The following EFCAB11 variants were observed in gnomAD, a reference collection of about 807,000 sequenced individuals.
EFCAB11 encodes the protein EF-hand calcium-binding domain-containing protein 11.
A neutral mutation model predicts 23.0 loss-of-function variants in EFCAB11; 14 were observed. That is an observed-to-expected ratio of 0.61 (90% CI 0.40 to 0.95). The LOEUF (loss-of-function observed/expected upper bound fraction) is 0.95, where lower values mean the gene tolerates loss of function less well. EFCAB11 is among the 40% of genes least tolerant of loss of function. The probability of loss-of-function intolerance (pLI) is 0.00; values close to 1 mark genes in which losing one functional copy is unlikely to be tolerated. For missense variants in EFCAB11, 198 were observed against 195.8 expected, an observed-to-expected ratio of 1.01 and a Z score of -0.07; for synonymous variants, 65 against 66.6, an observed-to-expected ratio of 0.98 and a Z score of 0.11.
intron 5 of EFCAB11, among the ~76,000 whole-genome samples, chr14:89,884,403 C>T (rs1888690192): frequency 4.0e-5 from 6 of 151,818 alleles, no homozygotes; most frequent in Admixed American, 3.9e-4. Context: ...TTATTTATCC[C>T]CTAAAAACAT....
chr14:89,934,963 A>G (rs1451309252), intron 3 of EFCAB11, among the ~76,000 whole-genome samples: 2 of 152,182 alleles, frequency 1.3e-5, no homozygotes, highest in African/African-American at 4.8e-5. Context: ...TGCTTCCCCA[A>G]GCCAAGAGGC....
At chr14:89,798,271 G>C (rs1039355210) in intron 5 of EFCAB11, among the ~76,000 whole-genome samples, 1 of 152,238 alleles carries the variant, frequency 6.6e-6, no homozygotes, top group African/African-American at 2.4e-5. Flanking sequence ...TTTTGAAGTA[G>C]AGAAAAATCC....
chr14:89,939,245 T>C (rs1218511815), intron 3 of EFCAB11, among the ~76,000 whole-genome samples: 1 of 151,858 alleles, frequency 6.6e-6, no homozygotes, highest in Non-Finnish European at 1.5e-5. Context: ...TCATTTATAG[T>C]TACATACTAT....
Position 89,954,571 on chromosome 14 carries a change from C to T in EFCAB11, c.75+15G>A. The T allele has an allele frequency of 6.2e-7, 1 of 1,613,222 alleles. No individual in the cohort carries two copies. The highest frequency in any genetic ancestry group is 8.5e-7 in the Non-Finnish European group (1 of 1,179,720). The stretch of plus-strand genomic sequence containing the variant: ...AAGCTGAAGTCCGAGGCTCAGTCGC[C>T]CTCCGGAAACCTACTTCCACCCACT... On this transcript the variant is annotated intron_variant, in intron 1 of 5. Transcript: ENST00000316738.
chr14:89,950,625 T>C (rs1319634652), intron 2 of EFCAB11, among the ~76,000 whole-genome samples: 3 of 152,214 alleles, frequency 2.0e-5, no homozygotes, highest in Non-Finnish European at 2.9e-5. Context: ...GTTATCATTT[T>C]AGACTAATCA....
chr14:89,935,595 G>C (rs78353996), intron 3 of EFCAB11, among the ~76,000 whole-genome samples: 9,544 of 152,158 alleles, frequency 0.063, 959 homozygotes, highest in African/African-American at 0.22. Flanking sequence ...GTGTTTTAGA[G>C]CAGGTATAAT....
chr14:89,940,773 A>C (rs1324047050), intron 3 of EFCAB11, among the ~76,000 whole-genome samples: 1 of 152,252 alleles, frequency 6.6e-6, no homozygotes, highest in Admixed American at 6.5e-5. Context: ...TTTTAATCTT[A>C]GGCATATTTT....
At chr14:89,881,466 T>TATATATATATATATATATATATATATAA (rs10524743) in intron 5 of EFCAB11, among the ~76,000 whole-genome samples, 1 of 122,204 alleles carries the variant, frequency 8.2e-6, no homozygotes, top group Non-Finnish European at 1.7e-5. Context: ...TATATATATA[T>TATATATATATATATATATATATATATAA]TCTTTTTTTT....
intron 5 of EFCAB11, among the ~76,000 whole-genome samples, chr14:89,926,494 C>G (rs550504211): frequency 3.3e-5 from 5 of 152,182 alleles, no homozygotes; most frequent in African/African-American, 1.2e-4. Context: ...TCAGCAGATA[C>G]AGCTCAAGAA....
intron 5 of EFCAB11, among the ~76,000 whole-genome samples, chr14:89,906,204 TAAA>T (rs1889493513): frequency 6.6e-6 from 1 of 151,384 alleles, no homozygotes; most frequent in African/African-American, 2.4e-5. Flanking sequence ...AATAAATAAA[TAAA>T]TAAATAAATA....
intron 5 of EFCAB11, among the ~76,000 whole-genome samples, chr14:89,865,073 G>A (rs1270121130): frequency 2.0e-5 from 3 of 152,204 alleles, no homozygotes; most frequent in Non-Finnish European, 2.9e-5. Flanking sequence ...GTGAGGTTAC[G>A]GGTGTGAGGC....
intron 5 of EFCAB11, among the ~76,000 whole-genome samples, chr14:89,871,200 G>A (rs1277183322): frequency 1.3e-5 from 2 of 152,180 alleles, no homozygotes; most frequent in Non-Finnish European, 2.9e-5. Context: ...GGACTGGACT[G>A]AGATGGCTCA....
At chr14:89,826,249 G>C (rs1185717408) in intron 5 of EFCAB11, among the ~76,000 whole-genome samples, 1 of 152,098 alleles carries the variant, frequency 6.6e-6, no homozygotes, top group Non-Finnish European at 1.5e-5. Flanking sequence ...ATATTTACTA[G>C]AGGAAAGGGT....
intron 5 of EFCAB11, among the ~76,000 whole-genome samples, chr14:89,907,697 C>T (rs773120240): frequency 6.6e-6 from 1 of 152,104 alleles, no homozygotes; most frequent in Admixed American, 6.5e-5. Context: ...GATTCAAAAT[C>T]CCTTTTTAAG....
At chr14:89,894,256 T>C (rs1889087920) in intron 5 of EFCAB11, among the ~76,000 whole-genome samples, 1 of 151,808 alleles carries the variant, frequency 6.6e-6, no homozygotes, top group African/African-American at 2.4e-5. Context: ...AGCCTTGATT[T>C]TTTTTTTTTT....
intron 5 of EFCAB11, among the ~76,000 whole-genome samples, chr14:89,906,849 T>C (rs575475391): frequency 6.6e-6 from 1 of 152,352 alleles, no homozygotes; most frequent in South Asian, 2.1e-4. Flanking sequence ...ATCATGCACA[T>C]AGTAGGTGCT....
At chr14:89,922,390 T>C (rs1890047523) in intron 5 of EFCAB11, among the ~76,000 whole-genome samples, 1 of 152,190 alleles carries the variant, frequency 6.6e-6, no homozygotes, top group African/African-American at 2.4e-5. Flanking sequence ...TTCTCCATGA[T>C]AGATGACGCC....
intron 5 of EFCAB11, among the ~76,000 whole-genome samples, chr14:89,806,634 A>G (rs2140083281): frequency 6.6e-6 from 1 of 152,110 alleles, no homozygotes; most frequent in South Asian, 2.1e-4. Flanking sequence ...CCACAGGCCC[A>G]CTCTGAATAT....
chr14:89,823,683 A>G (rs1016623235), intron 5 of EFCAB11, among the ~76,000 whole-genome samples: 1 of 152,204 alleles, frequency 6.6e-6, no homozygotes, highest in African/African-American at 2.4e-5. Flanking sequence ...TTTTAATTAT[A>G]AGTATGCTCT....
Sources: gnomAD v4.1 joint callset for allele counts (sites outside exome capture counted in the v4.1 genomes callset) on GRCh38, gnomAD v4.1.1 for gene constraint, MANE v1.5 for transcripts, NCBI Gene and HGNC (gene_info 2026-07-23, HGNC 2026-07-21) for gene names.